The following HDAC9 variants were observed in gnomAD, a reference collection of about 807,000 sequenced individuals.
The protein encoded by HDAC9 is histone deacetylase 9, also known as MEF-2 interacting transcription repressor (MITR) protein.
A neutral mutation model predicts 139.4 loss-of-function variants in HDAC9; 41 were observed. The ratio of observed to expected loss-of-function variants is 0.29; its 90% CI spans 0.23 to 0.38. HDAC9 has a LOEUF of 0.38. HDAC9 is among the 10% of genes least tolerant of loss of function. The probability of loss-of-function intolerance (pLI) is 1.00; values close to 1 mark genes in which losing one functional copy is unlikely to be tolerated. For missense variants in HDAC9, 1,147 were observed against 1,297.0 expected (o/e 0.88, Z 1.78); for synonymous variants, 517 against 476.2 (o/e 1.09, Z -1.12).
At chr7:18,227,927 A>AT (rs1353027191) in intron 2 of HDAC9, among the ~76,000 whole-genome samples, 1 of 152,010 alleles carries the variant, frequency 6.6e-6, no homozygotes, top group African/African-American at 2.4e-5. Context: ...CTTTTTATTC[A>AT]TTTTCCCCTG....
intron 12 of HDAC9, among the ~76,000 whole-genome samples, chr7:18,723,119 A>AT (rs1007572334): frequency 2.6e-5 from 4 of 151,022 alleles, no homozygotes; most frequent in Admixed American, 2.0e-4. Flanking sequence ...TATTTCTCAT[A>AT]TTTTTTTTCT....
At chr7:18,670,711 G>T (rs1046089140) in intron 12 of HDAC9, among the ~76,000 whole-genome samples, 4 of 151,936 alleles carry the variant, frequency 2.6e-5, no homozygotes, top group African/African-American at 9.7e-5. Context: ...TGCTGTGTTG[G>T]TGCAACGATT....
intron 23 of HDAC9, among the ~76,000 whole-genome samples, chr7:18,938,266 A>G (rs1336359075): frequency 6.9e-6 from 1 of 144,568 alleles, no homozygotes; most frequent in Admixed American, 7.1e-5. Flanking sequence ...TGATGGCAAT[A>G]TGAGAGATTA....
At chr7:18,783,317 T>C (rs1791412558) in intron 16 of HDAC9, among the ~76,000 whole-genome samples, 1 of 152,132 alleles carries the variant, frequency 6.6e-6, no homozygotes, top group African/African-American at 2.4e-5. Flanking sequence ...CTCTATGAAG[T>C]TAATGCTTCT....
chr7:18,215,160 A>G (rs778011648), intron 2 of HDAC9, among the ~76,000 whole-genome samples: 2 of 152,168 alleles, frequency 1.3e-5, no homozygotes, highest in Non-Finnish European at 2.9e-5. Flanking sequence ...TTTTATATCC[A>G]AACAATTACT....
intron 1 of HDAC9, among the ~76,000 whole-genome samples, chr7:18,442,783 C>T (rs1791910315): frequency 6.6e-6 from 1 of 152,274 alleles, no homozygotes; most frequent in South Asian, 2.1e-4. Context: ...GTTGGATAGT[C>T]AAGATAGCGC....
chr7:18,712,066 T>C (rs1784385997), intron 12 of HDAC9, among the ~76,000 whole-genome samples: 1 of 152,098 alleles, frequency 6.6e-6, no homozygotes, highest in African/African-American at 2.4e-5. Flanking sequence ...AACCCCTTAG[T>C]AGTGCACTGG....
At chr7:18,136,372 C>G (rs915190412) in intron 1 of HDAC9, among the ~76,000 whole-genome samples, 2 of 152,094 alleles carry the variant, frequency 1.3e-5, no homozygotes, top group African/African-American at 4.8e-5. Context: ...ACATGAAGTC[C>G]TTGCCCATGC....
chr7:18,592,822 C>A (rs531492005), intron 5 of HDAC9, among the ~76,000 whole-genome samples: 141 of 152,154 alleles, frequency 9.3e-4, no homozygotes, highest in Non-Finnish European at 1.5e-3. Context: ...AAAAGAAACA[C>A]GATTTTGTTA....
intron 21 of HDAC9, among the ~76,000 whole-genome samples, chr7:18,860,965 A>G (rs1295827462): frequency 6.6e-6 from 1 of 152,164 alleles, no homozygotes; most frequent in Non-Finnish European, 1.5e-5. Context: ...TAGCAGAGCA[A>G]AGTCGGGACT....
chr7:18,463,594 A>G (rs879398040), intron 1 of HDAC9, among the ~76,000 whole-genome samples: 5 of 151,778 alleles, frequency 3.3e-5, no homozygotes, highest in Non-Finnish European at 5.9e-5. Flanking sequence ...TTTGTTCTGC[A>G]TATTTTTTCT....
At chr7:18,395,079 T>C (rs1442963548) in intron 1 of HDAC9, 1 of 152,138 alleles carries the variant, frequency 6.6e-6, no homozygotes, top group East Asian at 1.9e-4. Flanking sequence ...TGGATTTAAA[T>C]TGATACTTGC....
chr7:18,397,097 G>A (rs113246004), intron 1 of HDAC9, among the ~76,000 whole-genome samples: 385 of 152,110 alleles, frequency 2.5e-3, no homozygotes, highest in Non-Finnish European at 4.0e-3. Flanking sequence ...ATAGATTTAG[G>A]GTGCATGAGA....
chr7:18,203,823 A>G (rs998572116), intron 2 of HDAC9, among the ~76,000 whole-genome samples: 9 of 152,206 alleles, frequency 5.9e-5, no homozygotes, highest in African/African-American at 2.2e-4. Flanking sequence ...TTGTGTGAAC[A>G]CCTGTGATTG....
At chr7:18,174,287 T>C (rs746809551) in intron 2 of HDAC9, among the ~76,000 whole-genome samples, 4 of 152,240 alleles carry the variant, frequency 2.6e-5, no homozygotes, top group Non-Finnish European at 4.4e-5. Flanking sequence ...ATTCCATGGT[T>C]TTCAGCTCCA....
At chr7:18,491,538 T>G (rs1158015511), upstream of HDAC9, among the ~76,000 whole-genome samples, 1 of 152,030 alleles carries the variant, frequency 6.6e-6, no homozygotes, top group African/African-American at 2.4e-5. Flanking sequence ...AAAAATTCAG[T>G]GGGTCAACAA....
At chr7:18,313,915 A>G (rs190925253) in intron 1 of HDAC9, among the ~76,000 whole-genome samples, 2 of 152,132 alleles carry the variant, frequency 1.3e-5, no homozygotes, top group South Asian at 4.1e-4. Context: ...GACATTTGAT[A>G]TATTTTTGGA....
intron 6 of HDAC9, among the ~76,000 whole-genome samples, chr7:18,604,904 G>C (rs1052797605): frequency 1.3e-5 from 2 of 151,930 alleles, no homozygotes; most frequent in African/African-American, 4.8e-5. Context: ...ACTGAGTCTG[G>C]TCTGATGTTT....
chr7:18,614,289 C>G (rs1214889288), intron 6 of HDAC9, among the ~76,000 whole-genome samples: 1 of 152,112 alleles, frequency 6.6e-6, no homozygotes, highest in Non-Finnish European at 1.5e-5. Context: ...AGTTGACCCT[C>G]CAATCCGCCA....
Sources: allele counts gnomAD v4.1 joint callset (sites outside exome capture counted in the v4.1 genomes callset), GRCh38; gene constraint gnomAD v4.1.1; transcripts MANE v1.5; gene names NCBI Gene and HGNC (gene_info 2026-07-23, HGNC 2026-07-21).